The following BEND6 variants were observed in gnomAD, a reference collection of about 807,000 sequenced individuals.
BEND6 encodes BEN domain containing 6.
A neutral mutation model predicts 31.8 loss-of-function variants in BEND6; 24 were observed. The observed-to-expected ratio is 0.75, with a 90% CI of 0.55 to 1.06. The LOEUF is 1.06. BEND6 is among the 50% of genes least tolerant of loss of function. The pLI, the probability that BEND6 is intolerant of heterozygous loss-of-function variation, is 0.00. For missense variants in BEND6, 294 were observed against 327.4 expected, an observed-to-expected ratio of 0.90 and a Z score of 0.79; for synonymous variants, 109 against 114.6, an observed-to-expected ratio of 0.95 and a Z score of 0.31.
intron 3 of BEND6, chr6:57,008,481 C>A: frequency 2.3e-6 from 1 of 429,536 alleles, no homozygotes; most frequent in Non-Finnish European, 4.1e-6. Flanking sequence ...GTGTGACTGT[C>A]ATGCAGGCCT....
intron 6 of BEND6, among the ~76,000 whole-genome samples, chr6:57,022,169 T>TC (rs972227613): frequency 2.0e-5 from 3 of 149,548 alleles, no homozygotes; most frequent in Admixed American, 6.6e-5. Flanking sequence ...TTTTTCTTTT[T>TC]TTTTTTTTTT....
chr6:57,014,901 G>T (rs1418320016), intron 3 of BEND6, among the ~76,000 whole-genome samples: 1 of 152,082 alleles, frequency 6.6e-6, no homozygotes, highest in Non-Finnish European at 1.5e-5. Context: ...ACATTTAACT[G>T]CAATGACCAA....
rs943563021 is a variant in BEND6 at position 57,015,364 on chromosome 6, A to G, written c.519+11A>G. ...ACTGATGAGAAACAGGTCAGTTGTA[A>G]TACCCGCCTTATTGTTCTTTGGAAT... On this transcript the variant is annotated intron_variant, in intron 4 of 6. Transcript: ENST00000370746. 1 of 1,594,824 alleles carries G rather than the reference A, an allele frequency of 6.3e-7. No homozygotes were observed. The highest frequency in any genetic ancestry group is 1.3e-5 in the African/African-American group (1 of 74,554).
chr6:57,018,699 A>G, intron 6 of BEND6, 142 bp downstream of exon 6: 1 of 898,830 alleles, frequency 1.1e-6, no homozygotes, highest in Non-Finnish European at 1.5e-6. Context: ...CCTGGTGGCA[A>G]AAGGGGAGAA....
At chr6:56,963,863 TATA>T (rs1825371080) in intron 1 of BEND6, among the ~76,000 whole-genome samples, 1 of 147,642 alleles carries the variant, frequency 6.8e-6, no homozygotes, top group African/African-American at 2.4e-5. Flanking sequence ...CTAGTAGTGG[TATA>T]ATAAAATACT....
At chr6:57,010,508 A>G (rs1471458848) in intron 3 of BEND6, 1 of 188,530 alleles carries the variant, frequency 5.3e-6, no homozygotes, top group Non-Finnish European at 9.9e-6. Flanking sequence ...ATAATTTTAA[A>G]TACACCTTTT....
chr6:57,024,647 T>C (rs2127896893), intron 6 of BEND6, among the ~76,000 whole-genome samples: 1 of 152,326 alleles, frequency 6.6e-6, no homozygotes, highest in South Asian at 2.1e-4. Context: ...TCCTGCTTTG[T>C]CCCTGATGTT....
intron 1 of BEND6, among the ~76,000 whole-genome samples, chr6:56,970,313 G>A (rs1825649194): frequency 6.6e-6 from 1 of 151,924 alleles, no homozygotes; most frequent in South Asian, 2.1e-4. Context: ...TTATGCCTCA[G>A]CCTCCCCAGT....
intron 2 of BEND6, among the ~76,000 whole-genome samples, chr6:56,988,927 A>G (rs1476836557): frequency 6.6e-6 from 1 of 152,130 alleles, no homozygotes; most frequent in African/African-American, 2.4e-5. Context: ...GCTACTCAAG[A>G]GGCTGAGGCA....
chr6:56,978,086 G>C (rs1825949121), intron 1 of BEND6, among the ~76,000 whole-genome samples: 2 of 151,414 alleles, frequency 1.3e-5, no homozygotes, highest in African/African-American at 4.9e-5. Flanking sequence ...GCAACATACT[G>C]AGACCCTGTC....
chr6:56,987,439 G>T (rs141689010), intron 2 of BEND6, among the ~76,000 whole-genome samples: 20 of 152,284 alleles, frequency 1.3e-4, no homozygotes, highest in Non-Finnish European at 7.4e-5. Context: ...TCCAATCTGT[G>T]GCCCGGAGAG....
intron 1 of BEND6, among the ~76,000 whole-genome samples, chr6:56,964,343 G>A (rs1825393037): frequency 6.6e-6 from 1 of 152,092 alleles, no homozygotes; most frequent in African/African-American, 2.4e-5. Flanking sequence ...TTTCATAGAA[G>A]GACAAGTTTA....
intron 1 of BEND6, among the ~76,000 whole-genome samples, chr6:56,967,781 C>A (rs1825538400): frequency 6.6e-6 from 1 of 152,218 alleles, no homozygotes; most frequent in Admixed American, 6.5e-5. Flanking sequence ...TTGGAATTGA[C>A]AACCTGCTAC....
chr6:56,971,512 G>A (rs1386344707), intron 1 of BEND6, among the ~76,000 whole-genome samples: 4 of 152,116 alleles, frequency 2.6e-5, no homozygotes, highest in African/African-American at 9.7e-5. Flanking sequence ...GGATCATATG[G>A]TAATTTTATT....
At chr6:56,959,047 T>G (rs1005785942) in intron 1 of BEND6, among the ~76,000 whole-genome samples, 3 of 152,178 alleles carry the variant, frequency 2.0e-5, no homozygotes, top group African/African-American at 7.2e-5. Flanking sequence ...CTAGGGATAT[T>G]TGAACAAGTT....
Position 57,014,571 on chromosome 6 carries a change from T to C in BEND6, c.299-562T>C, listed in dbSNP as rs530970695. ...AGGAACAAAGAAAATATTCCATTGA[T>C]TACCAAAATTCATCTTTAATATATC... On this transcript the variant is annotated intron_variant, in intron 3 of 6. Transcript: ENST00000370746. The C allele has an allele frequency of 1.2e-5, 16 of 1,339,090 alleles. No individual in the cohort carries two copies. The African/African-American group carries it at 2.1e-4, about 18-fold the overall frequency. 83.0% of individuals were successfully genotyped at this position (1,339,090 alleles called of 1,614,324 possible). A position where few individuals can be genotyped will look rare whatever the true frequency, so the allele number is the denominator to read the frequency against.
intron 2 of BEND6, among the ~76,000 whole-genome samples, chr6:56,990,810 T>A (rs1402654678): frequency 6.6e-6 from 1 of 152,164 alleles, no homozygotes; most frequent in Non-Finnish European, 1.5e-5. Flanking sequence ...ATCAATTTTT[T>A]AAAAAAATTA....
intron 3 of BEND6, among the ~76,000 whole-genome samples, chr6:56,994,424 C>T (rs1201031813): frequency 7.3e-6 from 1 of 137,710 alleles, no homozygotes; most frequent in East Asian, 2.1e-4. Context: ...TGCCCCTGCA[C>T]TCCAGCCTGG....
intron 2 of BEND6, among the ~76,000 whole-genome samples, chr6:56,983,893 CA>C (rs1163546074): frequency 6.6e-6 from 1 of 152,090 alleles, no homozygotes; most frequent in Non-Finnish European, 1.5e-5. Context: ...CAAACAATGA[CA>C]AAGTAAATAT....
Sources: allele counts gnomAD v4.1 joint callset (sites outside exome capture counted in the v4.1 genomes callset), GRCh38; gene constraint gnomAD v4.1.1; transcripts MANE v1.5; gene names NCBI Gene and HGNC (gene_info 2026-07-23, HGNC 2026-07-21).